Variants in PLXNA4 observed in about 807,000 individuals in gnomAD.
PLXNA4 encodes plexin-A4.
Under a neutral mutation model 191.8 loss-of-function variants are expected in PLXNA4, and 44 were observed. That is an observed-to-expected ratio of 0.23 (90% confidence interval 0.18 to 0.29). PLXNA4 has a LOEUF of 0.29. Among genes scored for constraint, PLXNA4 ranks in the 10% least tolerant of loss-of-function variants. PLXNA4 has a pLI of 1.00. For missense variants in PLXNA4, 1,800 were observed against 2,488.8 expected, an observed-to-expected ratio of 0.72 and a Z score of 5.89; for synonymous variants, 1,082 against 1,009.5, an observed-to-expected ratio of 1.07 and a Z score of -1.36.
In PLXNA4 at chr7:132,332,617, G is replaced by T. The variant is rs567212927; in HGVS notation, c.1372-34395C>A. 3.3e-5 allele frequency among the ~76,000 whole-genome samples: 5 copies of T among 152,204 alleles called. No individual in the cohort carries two copies. In the South Asian group the frequency reaches 1.0e-3, roughly 32 times the overall value. On this transcript the variant is annotated intron_variant, in intron 3 of 31. Coordinates refer to ENST00000321063, the MANE Select transcript of PLXNA4 (RefSeq NM_020911.2). The stretch of plus-strand genomic sequence containing the variant: ...TAATCTCAGCATTTTGGGAGGCCAA[G>T]GCGGGAGGACTGCTTGAGGCCAGCA...
chr7:132,367,491 G>C (rs1052117901), intron 3 of PLXNA4, among the ~76,000 whole-genome samples: 3 of 152,026 alleles, frequency 2.0e-5, no homozygotes, highest in Non-Finnish European at 2.9e-5. Context: ...AAGAAGAAAG[G>C]GGGGGTGAAG....
chr7:132,236,668 G>A (rs577685787), intron 5 of PLXNA4, among the ~76,000 whole-genome samples: 5 of 152,284 alleles, frequency 3.3e-5, no homozygotes, highest in East Asian at 3.9e-4. Flanking sequence ...TGCTGGGCAC[G>A]AAGGGAGAAG....
chr7:132,354,169 G>A (rs1803604908), intron 3 of PLXNA4, among the ~76,000 whole-genome samples: 1 of 144,904 alleles, frequency 6.9e-6, no homozygotes, highest in African/African-American at 2.8e-5. Flanking sequence ...GTAAGCCTGG[G>A]GCACCAACAG....
intron 23 of PLXNA4, among the ~76,000 whole-genome samples, chr7:132,164,763 CG>C (rs953016508): frequency 6.6e-6 from 1 of 152,220 alleles, no homozygotes; most frequent in Non-Finnish European, 1.5e-5. Context: ...CTGCACCGGC[CG>C]GGGGGCCTTA....
Position 132,246,805 on chromosome 7 carries a change from A to ATCATCC in PLXNA4, c.1504-5640_1504-5639insGGATGA, listed in dbSNP as rs759386071. 9.2e-4 allele frequency among the ~76,000 whole-genome samples: 135 copies of ATCATCC among 147,440 alleles called. 3 individuals are homozygous for ATCATCC. The East Asian group carries it at 0.02, about 22-fold the overall frequency. ...CATCATCATCATCATCATCATCATCATCCTCATCATCATCCTCATCACCAT... is the reference window on the plus strand; with the variant it reads ...CATCATCATCATCATCATCATCATCATCATCCTCCTCATCATCATCCTCATCACCAT... On this transcript the variant is annotated intron_variant, in intron 4 of 31. Coordinates refer to ENST00000321063, the MANE Select transcript of PLXNA4 (RefSeq NM_020911.2).
At chr7:132,296,761 G>C (rs910260894) in intron 4 of PLXNA4, among the ~76,000 whole-genome samples, 3 of 152,064 alleles carry the variant, frequency 2.0e-5, no homozygotes, top group Non-Finnish European at 4.4e-5. Context: ...GGCTTGGAGT[G>C]GGGAGTGTGG....
At chr7:132,525,319 G>A (rs946574474) in intron 1 of PLXNA4, among the ~76,000 whole-genome samples, 5 of 152,164 alleles carry the variant, frequency 3.3e-5, no homozygotes, top group Admixed American at 1.3e-4. Flanking sequence ...GCATAATCAC[G>A]GCTCACTGCA....
At chr7:132,470,928 C>T (rs1462683308) in intron 3 of PLXNA4, among the ~76,000 whole-genome samples, 1 of 152,158 alleles carries the variant, frequency 6.6e-6, no homozygotes, top group Non-Finnish European at 1.5e-5. Flanking sequence ...AGATTTTTGA[C>T]CTATAGAACT....
intron 25 of PLXNA4, among the ~76,000 whole-genome samples, chr7:132,154,183 G>A (rs1476623676): frequency 6.6e-6 from 1 of 152,164 alleles, no homozygotes; most frequent in Non-Finnish European, 1.5e-5. Flanking sequence ...GGCTGAGAAG[G>A]AGGCTGTAGG....
intron 3 of PLXNA4, among the ~76,000 whole-genome samples, chr7:132,329,811 C>G (rs914784202): frequency 2.0e-5 from 3 of 152,164 alleles, no homozygotes; most frequent in Non-Finnish European, 4.4e-5. Flanking sequence ...TCTTGTCCTG[C>G]TGCCACTGAA....
intron 4 of PLXNA4, among the ~76,000 whole-genome samples, chr7:132,296,814 C>T (rs957884322): frequency 6.6e-6 from 1 of 151,920 alleles, no homozygotes; most frequent in Non-Finnish European, 1.5e-5. Context: ...TGGGAAGCCT[C>T]GTGCCCAGCT....
chr7:132,452,580 G>A (rs183973436), intron 3 of PLXNA4, among the ~76,000 whole-genome samples: 217 of 152,298 alleles, frequency 1.4e-3, no homozygotes, highest in African/African-American at 4.3e-3. Flanking sequence ...GATATGGTCT[G>A]AAAGGTGTAA....
chr7:132,421,309 T>C (rs1035623779), intron 3 of PLXNA4, among the ~76,000 whole-genome samples: 15 of 152,338 alleles, frequency 9.8e-5, no homozygotes, highest in South Asian at 4.1e-4. Context: ...GAACACTCAC[T>C]TTTAAAAGGT....
At chr7:132,568,661 T>C (rs923597825) in intron 1 of PLXNA4, among the ~76,000 whole-genome samples, 26 of 152,124 alleles carry the variant, frequency 1.7e-4, no homozygotes, top group African/African-American at 5.3e-4. Context: ...TCTTCACCAT[T>C]ATTAAAAAGC....
intron 4 of PLXNA4, among the ~76,000 whole-genome samples, chr7:132,272,033 G>A (rs770309680): frequency 6.6e-6 from 1 of 152,100 alleles, no homozygotes; most frequent in Admixed American, 6.5e-5. Context: ...CAGAGCACAG[G>A]GGGAAGACAC....
chr7:132,635,698 C>T (rs772103628), intron 2 of PLXNA4, among the ~76,000 whole-genome samples: 5 of 152,114 alleles, frequency 3.3e-5, no homozygotes, highest in Non-Finnish European at 7.3e-5. Context: ...AAACCCCCAA[C>T]GAACCACGGA....
chr7:132,489,563 T>A, intron 2 of PLXNA4, 89 bp from the exon 3 acceptor site: 3 of 1,134,016 alleles, frequency 2.6e-6, no homozygotes, highest in Non-Finnish European at 3.6e-6. Context: ...GGTAGAAGAA[T>A]CCTTAGAGAT....
At chr7:132,648,138 TAC>T (rs750632611) in intron 1 of PLXNA4, among the ~76,000 whole-genome samples, 9 of 152,030 alleles carry the variant, frequency 5.9e-5, no homozygotes, top group South Asian at 2.1e-4. Flanking sequence ...TACACTCACG[TAC>T]ACACACACTT....
chr7:132,286,437 G>T (rs549668616), intron 4 of PLXNA4, among the ~76,000 whole-genome samples: 1 of 152,166 alleles, frequency 6.6e-6, no homozygotes, highest in African/African-American at 2.4e-5. Context: ...GCTAAGTTAG[G>T]AGAAGGCGCA....
Sources: gnomAD v4.1 joint callset for allele counts (sites outside exome capture counted in the v4.1 genomes callset) on GRCh38, gnomAD v4.1.1 for gene constraint, MANE v1.5 for transcripts, NCBI Gene and HGNC (gene_info 2026-07-23, HGNC 2026-07-21) for gene names.